PODN: variants seen among roughly 807,000 people sequenced by gnomAD.
PODN encodes podocan.
In PODN, 40 loss-of-function variants were observed where a neutral mutation model predicts 52.7. The observed-to-expected ratio is 0.76, with a 90% CI of 0.59 to 0.99. The LOEUF is 0.99. Ranked by LOEUF, PODN falls within the 50% of genes least tolerant of loss-of-function variation. The pLI is 0.00. For missense variants in PODN, 720 were observed against 815.1 expected, an observed-to-expected ratio of 0.88 and a Z score of 1.42; for synonymous variants, 396 against 377.9, an observed-to-expected ratio of 1.05 and a Z score of -0.56.
Position 53,077,446 on chromosome 1 carries a change from G to A in PODN, c.738+100G>A, listed in dbSNP as rs1045994925. The A allele has an allele frequency of 1.5e-5, 23 of 1,508,698 alleles. No individual in the cohort carries two copies. In the African/African-American group the frequency reaches 2.8e-4, roughly 18 times the overall value. 93.5% of individuals were successfully genotyped at this position (1,508,698 alleles called of 1,614,324 possible). ...AGAGCTCAGGCCCACATGGCCACAGGTGCTGCCCAAGTGGGGCCCCGGGGC... is the reference window on the plus strand; with the variant it reads ...AGAGCTCAGGCCCACATGGCCACAGATGCTGCCCAAGTGGGGCCCCGGGGC... On this transcript the variant is annotated intron_variant, in intron 6 of 10. Transcript: ENST00000312553.
At chr1:53,076,875 G>A (rs1328659783) in intron 5 of PODN, among the ~76,000 whole-genome samples, 2 of 152,072 alleles carry the variant, frequency 1.3e-5, no homozygotes, top group African/African-American at 2.4e-5. Context: ...AAGGGGCCGC[G>A]AGTCAGGCAA....
chr1:53,069,880 C>T lies in PODN; in HGVS notation c.25C>T (p.Leu9Phe), dbSNP rs758606040. 1 of 1,567,116 alleles carries T rather than the reference C, an allele frequency of 6.4e-7. No homozygotes were observed. The highest frequency in any genetic ancestry group is 8.6e-7 in the Non-Finnish European group (1 of 1,156,678). ...CATGGCCCAGAGCCGGGTGCTGCTG[C>T]TCCTGCTGCTGCTGCCGCCACAGCT... MAQSRVLL[L>F]LLLLPPQLHL... Residue 9 changes from leucine (L) to phenylalanine (F), a missense_variant, in exon 2 of 11, where the codon CTC (leucine) becomes TTC (phenylalanine). Physicochemically the swap from Leu to Phe is conservative, Grantham distance 22. Transcript: ENST00000312553.
intron 1 of PODN, chr1:53,063,300 G>GC: frequency 1.0e-6 from 1 of 954,006 alleles, no homozygotes; most frequent in Non-Finnish European, 1.2e-6. Flanking sequence ...TCCGGGAGGC[G>GC]CGGAGGATGC....
In PODN at chr1:53,069,825, C is replaced by G; in HGVS notation, c.-31C>G. 6.3e-7 allele frequency: 1 copy of G among 1,582,152 alleles called. No individual in the cohort carries two copies. ...GGTTCCGTCAGCCCTGGCGCCCAGGCGCATCTGACTCGGCACCCCCTGCAG... is the reference window on the plus strand; with the variant it reads ...GGTTCCGTCAGCCCTGGCGCCCAGGGGCATCTGACTCGGCACCCCCTGCAG... On this transcript the variant is annotated 5_prime_UTR_variant, in exon 2 of 11. Transcript: ENST00000312553.
intron 9 of PODN, 138 bp downstream of exon 9, chr1:53,081,014 G>A: frequency 8.3e-7 from 1 of 1,206,548 alleles, no homozygotes; most frequent in Non-Finnish European, 1.1e-6. Flanking sequence ...GGTGGGGACA[G>A]TCCTGGCCAG....
intron 6 of PODN, 90 bp downstream of exon 6, chr1:53,077,436 A>G: frequency 6.5e-7 from 1 of 1,533,092 alleles, no homozygotes. Flanking sequence ...TCAGGCCCAC[A>G]TGGCCACAGG....
Position 53,085,306 on chromosome 1 carries a change from G to A in PODN, c.*821G>A, listed in dbSNP as rs115740390. On this transcript the variant is annotated 3_prime_UTR_variant, in exon 11 of 11. Coordinates refer to ENST00000312553, the MANE Select transcript of PODN (RefSeq NM_153703.5). ...GGCCTTGGGGCAGGAGTGAAGCAGA[G>A]GTGATGGGGCTGGGCTGAGCCAGGG... The A allele has an allele frequency of 8.0e-4, 122 of 152,464 alleles. No homozygotes were observed. The highest frequency in any genetic ancestry group is 2.7e-3 in the African/African-American group (114 of 41,586). 9.4% of individuals were successfully genotyped at this position (152,464 alleles called of 1,614,324 possible). A position where few individuals can be genotyped will look rare whatever the true frequency, so the allele number is the denominator to read the frequency against.
Position 53,078,662 on chromosome 1 carries a change from C to A in PODN, c.1152C>A (p.Thr384=). The A allele has an allele frequency of 1.2e-6, 2 of 1,613,164 alleles. No individual in the cohort carries two copies. Among genetic ancestry groups the A allele is most frequent in the East Asian group, 2.2e-5 (1 of 44,884 alleles). ...GTGGCCTGCCTCGCCGCGTGCGCAC[C>A]CTCATGATCCTGCACAACCAGATCA... ...VPSGLPRRVR[T]LMILHNQITG... Residue 384 remains threonine, a synonymous_variant, in exon 8 of 11, where the codon ACC becomes ACA. Coordinates refer to ENST00000312553, the MANE Select transcript of PODN (RefSeq NM_153703.5).
chr1:53,076,290 T>C (rs1489555409), intron 5 of PODN, among the ~76,000 whole-genome samples: 1 of 152,200 alleles, frequency 6.6e-6, no homozygotes, highest in Non-Finnish European at 1.5e-5. Context: ...CCCCCCAGCA[T>C]AGGTGTGCGA....
At chr1:53,063,225 G>A in intron 1 of PODN, 1 of 386,368 alleles carries the variant, frequency 2.6e-6, no homozygotes, top group South Asian at 1.0e-4. Flanking sequence ...CTTTTGGAGA[G>A]GAGCAGGCGC....
In PODN at chr1:53,079,029, G is replaced by A. The variant is rs1031660675; in HGVS notation, c.1512+7G>A. The A allele has an allele frequency of 5.9e-6, 9 of 1,524,902 alleles. No homozygotes were observed. Among genetic ancestry groups the A allele is most frequent in the African/African-American group, 2.7e-5 (2 of 73,120 alleles). The allele number at this position is 1,524,902 out of a possible 1,614,324, so 94.5% of individuals were successfully genotyped here. A position where few individuals can be genotyped will look rare whatever the true frequency, so the allele number is the denominator to read the frequency against. Reference sequence around the variant, plus strand: ...GGACCTCGCCCATCTGCAGGTAAGCGGAAGGGAGGGGGCTGAGCCATGCCC... The same window carrying A: ...GGACCTCGCCCATCTGCAGGTAAGCAGAAGGGAGGGGGCTGAGCCATGCCC... On this transcript the variant is annotated splice_region_variant and intron_variant, in intron 8 of 10. Transcript: ENST00000312553.
chr1:53,083,447 C>T (rs549015106), intron 10 of PODN, among the ~76,000 whole-genome samples: 30 of 152,104 alleles, frequency 2.0e-4, no homozygotes, highest in African/African-American at 7.2e-4. Context: ...TTTGAGGGCC[C>T]CTGTGGGAAT....
chr1:53,064,840 G>C (rs572619457), intron 1 of PODN, among the ~76,000 whole-genome samples: 1 of 152,312 alleles, frequency 6.6e-6, no homozygotes, highest in Admixed American at 6.5e-5. Context: ...GCTCATCCAG[G>C]CTTACACAGC....
At chr1:53,077,146 C>A (rs757914278) in intron 5 of PODN, 44 bp from the exon 6 acceptor site, 2 of 1,601,886 alleles carry the variant, frequency 1.2e-6, no homozygotes, top group Non-Finnish European at 8.5e-7. Flanking sequence ...TGGCGCAGGG[C>A]CTGGGGAGCC....
chr1:53,080,924 T>C (rs759508470), intron 9 of PODN, 48 bp downstream of exon 9: 1 of 1,603,476 alleles, frequency 6.2e-7, no homozygotes, highest in Non-Finnish European at 8.5e-7. Context: ...GGGCCCACCC[T>C]GGCTCCAACG....
In PODN at chr1:53,080,695, GGGAGTCCCTGACTCCCTTGGTCAC is replaced by G; in HGVS notation, c.1513-32_1513-9del. On this transcript the variant is annotated splice_polypyrimidine_tract_variant and intron_variant, in intron 8 of 10. Transcript: ENST00000312553. Reference sequence around the variant, plus strand: ...AAGCTGTTAAGTGCTTTGCACAGGTGGGAGTCCCTGACTCCCTTGGTCACCCCTGCAGCTGCTGGACATCGCCGG... The same window carrying G: ...AAGCTGTTAAGTGCTTTGCACAGGTGCCCTGCAGCTGCTGGACATCGCCGG... The G allele has an allele frequency of 6.2e-7, 1 of 1,607,346 alleles. No individual in the cohort carries two copies. The highest frequency in any genetic ancestry group is 8.5e-7 in the Non-Finnish European group (1 of 1,176,806).
In PODN at chr1:53,075,857, C is replaced by A; in HGVS notation, c.472-5C>A. ...CTCTTTCGGCCCCAACTCTTCCCTT[C>A]CCAGCTGACCTTGGCACCCCGCTTC... is the stretch of plus-strand genomic sequence containing the variant. On this transcript the variant is annotated splice_polypyrimidine_tract_variant and splice_region_variant and intron_variant, in intron 4 of 10. Transcript: ENST00000312553. 1 of 1,588,336 alleles carries A rather than the reference C, an allele frequency of 6.3e-7. No homozygotes were observed. The highest frequency in any genetic ancestry group is 1.1e-5 in the South Asian group (1 of 87,536).
In PODN at chr1:53,063,272, C is replaced by G. The variant is rs184409328; in HGVS notation, c.-56+964C>G. 1.4e-5 allele frequency: 11 copies of G among 805,564 alleles called. No homozygotes were observed. In the East Asian group the frequency reaches 1.4e-3, roughly 101 times the overall value. The allele number at this position is 805,564 out of a possible 1,614,324, so 49.9% of individuals were successfully genotyped here. The stretch of plus-strand genomic sequence containing the variant: ...GCGAGCACCCCGGCCCCGGTGCGCG[C>G]GGCACTGACTGAGCTGGTCCGGGAG... On this transcript the variant is annotated intron_variant, in intron 1 of 10. Transcript: ENST00000312553.
At chr1:53,081,717 A>T (rs897018462) in intron 9 of PODN, among the ~76,000 whole-genome samples, 2 of 152,222 alleles carry the variant, frequency 1.3e-5, no homozygotes, top group African/African-American at 4.8e-5. Flanking sequence ...CTTCCAAAAT[A>T]GCAGTGAGAG....
Sources: gnomAD v4.1 joint callset for allele counts (sites outside exome capture counted in the v4.1 genomes callset) on GRCh38, gnomAD v4.1.1 for gene constraint, MANE v1.5 for transcripts, NCBI Gene and HGNC (gene_info 2026-07-23, HGNC 2026-07-21) for gene names.